Variants in NAALAD2 observed in about 807,000 individuals in gnomAD.
NAALAD2 encodes the protein N-acetylated alpha-linked acidic dipeptidase 2.
Under a neutral mutation model 95.6 loss-of-function variants are expected in NAALAD2, and 89 were observed. That is an observed-to-expected ratio of 0.93 (90% confidence interval 0.78 to 1.11). The LOEUF is 1.11. Ranked by LOEUF, NAALAD2 falls within the 50% of genes least tolerant of loss-of-function variation. The pLI is 0.00. For synonymous variants in NAALAD2, 264 were observed against 294.4 expected (o/e 0.90, Z 1.06); for missense variants, 894 against 872.4 (o/e 1.02, Z -0.31).
intron 15 of NAALAD2, among the ~76,000 whole-genome samples, chr11:90,176,472 G>A (rs773338782): frequency 2.6e-5 from 4 of 151,962 alleles, no homozygotes; most frequent in African/African-American, 4.8e-5. Context: ...CATTATTGTC[G>A]GTAGCTCCTC....
intron 14 of NAALAD2, 25 bp from the exon 15 acceptor site, chr11:90,175,947 T>C (rs775993034): frequency 1.8e-5 from 25 of 1,372,354 alleles, no homozygotes; most frequent in Non-Finnish European, 2.4e-5. Context: ...TGTGTGTGTG[T>C]GTGTGGATTG....
chr11:90,181,721 T>C lies in NAALAD2; in HGVS notation c.1940+20T>C. ...TAACAAGTAAGTTTCAAATCCCTTTTTTTTTAAAAAAAAAAAAAAAAGCAA... is the reference window on the plus strand; with the variant it reads ...TAACAAGTAAGTTTCAAATCCCTTTCTTTTTAAAAAAAAAAAAAAAAGCAA... On this transcript the variant is annotated intron_variant, in intron 17 of 18. Coordinates refer to ENST00000534061, the MANE Select transcript of NAALAD2 (RefSeq NM_005467.4). The C allele has an allele frequency of 1.4e-6, 2 of 1,398,734 alleles. No homozygotes were observed. The highest frequency in any genetic ancestry group is 1.9e-6 in the Non-Finnish European group (2 of 1,035,036). The allele number at this position is 1,398,734 out of a possible 1,614,324, so 86.6% of individuals were successfully genotyped here.
chr11:90,166,240 T>C (rs1952438696), intron 11 of NAALAD2, among the ~76,000 whole-genome samples: 1 of 148,466 alleles, frequency 6.7e-6, no homozygotes, highest in Admixed American at 6.6e-5. Context: ...TCTCTCAGCA[T>C]GTTCCTCTCT....
intron 6 of NAALAD2, among the ~76,000 whole-genome samples, chr11:90,155,834 T>C (rs1276862171): frequency 9.2e-6 from 1 of 108,796 alleles, no homozygotes; most frequent in Non-Finnish European, 1.7e-5. Flanking sequence ...GTAATATATG[T>C]AATATATATG....
chr11:90,175,952 G>GTT lies in NAALAD2; in HGVS notation c.1503-20_1503-19insTT. ...TATGTGTGTGTGTGTGTGTGTGTGT[G>GTT]GATTGCATTCTACATCTAGAATCAA... On this transcript the variant is annotated intron_variant, in intron 14 of 18. Transcript: ENST00000534061. 1 of 1,436,794 alleles carries GTT rather than the reference G, an allele frequency of 7.0e-7. No individual in the cohort carries two copies. The highest frequency in any genetic ancestry group is 9.8e-7 in the Non-Finnish European group (1 of 1,019,620). 89.0% of individuals were successfully genotyped at this position (1,436,794 alleles called of 1,614,324 possible).
At chr11:90,190,133 G>C (rs1857278940) in intron 18 of NAALAD2, among the ~76,000 whole-genome samples, 1 of 152,154 alleles carries the variant, frequency 6.6e-6, no homozygotes, top group Admixed American at 6.5e-5. Context: ...TTTAGTTTCA[G>C]AATAGCTAAT....
intron 6 of NAALAD2, among the ~76,000 whole-genome samples, chr11:90,155,567 AATATATAATAT>A (rs1436933901): frequency 1.2e-5 from 1 of 82,110 alleles, no homozygotes; most frequent in Non-Finnish European, 2.1e-5. Flanking sequence ...TGTAATATAT[AATATATAATAT>A]ATATGTAATA....
At chr11:90,186,019 T>A (rs1052445411) in intron 18 of NAALAD2, among the ~76,000 whole-genome samples, 3 of 149,650 alleles carry the variant, frequency 2.0e-5, no homozygotes, top group Non-Finnish European at 4.5e-5. Context: ...ACTTGTAATC[T>A]TTTTTTTTTA....
chr11:90,148,782 G>A (rs561692800), intron 3 of NAALAD2, among the ~76,000 whole-genome samples: 21 of 152,198 alleles, frequency 1.4e-4, no homozygotes, highest in African/African-American at 4.8e-4. Flanking sequence ...ACTTTATAAG[G>A]AAACTTTTGG....
intron 13 of NAALAD2, among the ~76,000 whole-genome samples, chr11:90,171,576 A>T (rs920321785): frequency 5.9e-5 from 9 of 152,190 alleles, no homozygotes; most frequent in Non-Finnish European, 4.4e-5. Context: ...TTGGTGGTTG[A>T]TAAGGGAGAA....
chr11:90,183,463 C>T (rs1454196456), intron 18 of NAALAD2, among the ~76,000 whole-genome samples: 3 of 152,066 alleles, frequency 2.0e-5, no homozygotes, highest in African/African-American at 7.2e-5. Context: ...CATCTATTTT[C>T]CTGTAATATT....
chr11:90,168,913 T>G lies in NAALAD2; in HGVS notation c.1279-16T>G, dbSNP rs1323934606. 3.8e-6 allele frequency: 6 copies of G among 1,590,286 alleles called. No individual in the cohort carries two copies. Among genetic ancestry groups the G allele is most frequent in the Non-Finnish European group, 5.1e-6 (6 of 1,167,808 alleles). On this transcript the variant is annotated splice_polypyrimidine_tract_variant and intron_variant, in intron 11 of 18. Coordinates refer to ENST00000534061, the MANE Select transcript of NAALAD2 (RefSeq NM_005467.4). ...TAAGTAATGTGAATTAAGTAACAAC[T>G]TTGCTTCAACTACAGGAGAATGTCA...
intron 13 of NAALAD2, among the ~76,000 whole-genome samples, chr11:90,170,762 G>A (rs1952608437): frequency 6.6e-6 from 1 of 152,154 alleles, no homozygotes; most frequent in East Asian, 1.9e-4. Flanking sequence ...CAAATGAAGG[G>A]ATGTAGAAGT....
At chr11:90,176,183 A>C (rs780417415) in intron 15 of NAALAD2, 121 bp downstream of exon 15, 14 of 668,068 alleles carry the variant, frequency 2.1e-5, no homozygotes, top group Non-Finnish European at 3.7e-5. Flanking sequence ...GTTCCCAGGG[A>C]TAGAGATAGA....
At position 90,162,970 on chromosome 11, in the gene NAALAD2, T is replaced by G; in HGVS notation, c.1011T>G (p.Tyr337Ter). 1 of 1,559,182 alleles carries G rather than the reference T, an allele frequency of 6.4e-7. No individual in the cohort carries two copies. Among genetic ancestry groups the G allele is most frequent in the Non-Finnish European group, 8.8e-7 (1 of 1,140,264 alleles). ...DSFRKVRMHV[Y>*]NINKITRIYN... ...CTAGGAAGGTTAGAATGCATGTTTATAACATCAATAAAATTACAAGGATTT... is the reference window on the plus strand; with the variant it reads ...CTAGGAAGGTTAGAATGCATGTTTAGAACATCAATAAAATTACAAGGATTT... The change falls in exon 9 of 19, where the codon TAT becomes TAG. Residue 337 changes from tyrosine (Y) to a stop codon, truncating the protein, a stop_gained. Transcript: ENST00000534061. LOFTEE classifies it high-confidence loss of function.
intron 4 of NAALAD2, among the ~76,000 whole-genome samples, chr11:90,150,186 A>G (rs1951848883): frequency 6.6e-6 from 1 of 152,100 alleles, no homozygotes; most frequent in Admixed American, 6.5e-5. Flanking sequence ...CAGAAGGTGG[A>G]GGAGGTTGCA....
chr11:90,175,339 C>T (rs1043557096), intron 14 of NAALAD2, among the ~76,000 whole-genome samples: 4 of 152,048 alleles, frequency 2.6e-5, no homozygotes, highest in African/African-American at 9.7e-5. Flanking sequence ...TGGAAATAAA[C>T]AGTTATGTTA....
chr11:90,155,325 A>G (rs1334990719), intron 6 of NAALAD2, among the ~76,000 whole-genome samples: 2 of 118,196 alleles, frequency 1.7e-5, no homozygotes, highest in African/African-American at 3.3e-5. Flanking sequence ...TATATAATAT[A>G]TAATGTATAA....
intron 6 of NAALAD2, among the ~76,000 whole-genome samples, chr11:90,157,507 T>C (rs1952150453): frequency 6.6e-6 from 1 of 152,152 alleles, no homozygotes; most frequent in South Asian, 2.1e-4. Flanking sequence ...TTTCAGAATC[T>C]GGGACACATT....
Sources: gnomAD v4.1 joint callset for allele counts (sites outside exome capture counted in the v4.1 genomes callset) on GRCh38, gnomAD v4.1.1 for gene constraint, MANE v1.5 for transcripts, NCBI Gene and HGNC (gene_info 2026-07-23, HGNC 2026-07-21) for gene names.